The following DIDO1 variants were observed in gnomAD, a reference collection of about 807,000 sequenced individuals.
DIDO1 encodes the protein death inducer-obliterator 1.
DIDO1 carries 16 observed loss-of-function variants against 99.4 expected under a neutral mutation model. That is an observed-to-expected ratio of 0.16 (90% CI 0.11 to 0.24). The LOEUF (loss-of-function observed/expected upper bound fraction) is 0.24, where lower values mean the gene tolerates loss of function less well. DIDO1 is among the 10% of genes least tolerant of loss of function. DIDO1 has a pLI of 1.00. For synonymous variants in DIDO1, 1,366 were observed against 1,239.1 expected (o/e 1.10, Z -2.15); for missense variants, 2,996 against 3,014.0 (o/e 0.99, Z 0.14).
intron 1 of DIDO1, among the ~76,000 whole-genome samples, chr20:62,920,413 G>A (rs905554144): frequency 6.6e-6 from 1 of 152,176 alleles, no homozygotes; most frequent in Non-Finnish European, 1.5e-5. Context: ...ATTCAGCAAG[G>A]GGCTGTGTAG....
intron 2 of DIDO1, among the ~76,000 whole-genome samples, chr20:62,912,897 TG>T (rs1224246734): frequency 6.6e-6 from 1 of 152,166 alleles, no homozygotes; most frequent in Non-Finnish European, 1.5e-5. Context: ...CTGGGCATGG[TG>T]GCAGGCGCCT....
chr20:62,906,030 G>T lies in DIDO1; in HGVS notation c.1445C>A (p.Ala482Glu). ...PEKKETTVKK[A>E]VVVPARSEAL... Reference sequence around the variant, plus strand: ...TTCACTCCGCGCAGGGACCACCACTGCCTTCTTCACTGTGGTCTCTTTTTT... The same window carrying T: ...TTCACTCCGCGCAGGGACCACCACTTCCTTCTTCACTGTGGTCTCTTTTTT... Residue 482 changes from alanine (A) to glutamate (E), a missense_variant, in exon 6 of 16, where the codon GCA becomes GAA. By Grantham distance (107) the Ala-to-Glu change is moderately radical. Around this residue, in one of 5 missense-constraint regions of DIDO1, gnomAD observed 898 missense variants for 972.7 expected, o/e 0.92. Coordinates refer to ENST00000395343, the MANE Select transcript of DIDO1 (RefSeq NM_001193369.2). 6.2e-7 allele frequency: 1 copy of T among 1,613,760 alleles called. No homozygotes were observed.
At chr20:62,937,312 C>T (rs983350611) in intron 1 of DIDO1, among the ~76,000 whole-genome samples, 2 of 152,390 alleles carry the variant, frequency 1.3e-5, no homozygotes, top group South Asian at 4.1e-4. Flanking sequence ...AGCGGACAGG[C>T]AATAAGCAAG....
chr20:62,882,986 G>A (rs530120022), intron 15 of DIDO1, among the ~76,000 whole-genome samples: 8 of 132,996 alleles, frequency 6.0e-5, no homozygotes, highest in Admixed American at 8.6e-5. Context: ...GCAGTGGCGC[G>A]AGCTCGGCTC....
chr20:62,882,134 T>C lies in DIDO1; in HGVS notation c.3822A>G (p.Lys1274=). The C allele has an allele frequency of 1.9e-6, 3 of 1,613,162 alleles. No homozygotes were observed. The highest frequency in any genetic ancestry group is 2.5e-6 in the Non-Finnish European group (3 of 1,180,018). Residue 1274 remains lysine (K), a synonymous_variant, in exon 16 of 16, where the codon AAA becomes AAG. Coordinates refer to ENST00000395343, the MANE Select transcript of DIDO1 (RefSeq NM_001193369.2). The part of the protein sequence containing the change: ...PPPLPEPPVL[K]VLSSLKPAAP... ...CTGCAGGTTTGAGGGATGACAGCAC[T>C]TTTAGCACCGGTGGTTCTGGAAGAG...
At chr20:62,916,440 T>C (rs1313603454) in intron 1 of DIDO1, among the ~76,000 whole-genome samples, 2 of 152,370 alleles carry the variant, frequency 1.3e-5, no homozygotes, top group East Asian at 3.8e-4. Context: ...TCAAACCTTT[T>C]GTCTCAAGAC....
rs981593300 is a variant in DIDO1, at chr20:62,881,202, C to A, written c.4754G>T (p.Gly1585Val). ...TCTCTCGGGCAGGGCACCCTGGGCA[C>A]CACGTGCCGAGAGCCTGGAGAGAGG... ...GEPLSRLSAR[G>V]AQGALPERDA... The change falls in exon 16 of 16, where the codon GGT becomes GTT. Residue 1585 changes from glycine (G) to valine (V), a missense_variant. This residue lies in a region of DIDO1 where 1,562 missense variants were observed against 1,412.6 expected (regional missense o/e 1.11). Coordinates refer to ENST00000395343, the MANE Select transcript of DIDO1 (RefSeq NM_001193369.2). The surrounding 1 kb of genome is among the most constrained non-coding windows in gnomAD (Gnocchi z 8.3). The A allele has an allele frequency of 4.4e-6, 7 of 1,606,630 alleles. No homozygotes were observed. The highest frequency in any genetic ancestry group is 5.1e-6 in the Non-Finnish European group (6 of 1,178,766).
Position 62,904,142 on chromosome 20 carries a change from G to A in DIDO1, c.1588+1745C>T, listed in dbSNP as rs186073874. The stretch of plus-strand genomic sequence containing the variant: ...ACTTATCTGAACTGAGGCTATAACC[G>A]CAGTTTTTCTTTTCTTCACTGTTAT... On this transcript the variant is annotated intron_variant, in intron 6 of 15. Coordinates refer to ENST00000395343, the MANE Select transcript of DIDO1 (RefSeq NM_001193369.2). Among the ~76,000 whole-genome samples, 996 of 152,238 alleles carry A rather than the reference G, an allele frequency of 6.5e-3. 13 individuals carry two copies. The highest frequency in any genetic ancestry group is 0.023 in the African/African-American group (946 of 41,516).
chr20:62,915,989 A>AT (rs2065030592), intron 1 of DIDO1, among the ~76,000 whole-genome samples: 1 of 152,236 alleles, frequency 6.6e-6, no homozygotes, highest in Non-Finnish European at 1.5e-5. Flanking sequence ...AGATCACTTT[A>AT]TATTTACAAA....
rs756543700 is a variant in DIDO1, at chr20:62,896,403, T to TA, written c.2055-12dup. ...TCGCTGTCATTGACTCTGAACAGAATAAAAAAAAGGAACTACATAAGACAC... is the reference window on the plus strand; with the variant it reads ...TCGCTGTCATTGACTCTGAACAGAATAAAAAAAAAGGAACTACATAAGACAC... On this transcript the variant is annotated splice_polypyrimidine_tract_variant and intron_variant, in intron 7 of 15. Coordinates refer to ENST00000395343, the MANE Select transcript of DIDO1 (RefSeq NM_001193369.2). This position sits in a 1 kb window ranked among gnomAD's most constrained non-coding sequence, Gnocchi z 4.4. 33 of 1,602,654 alleles carry TA rather than the reference T, an allele frequency of 2.1e-5. No individual in the cohort carries two copies. Among genetic ancestry groups the TA allele is most frequent in the African/African-American group, 5.4e-5 (4 of 73,544 alleles).
chr20:62,922,163 G>C (rs1486502804), intron 1 of DIDO1, among the ~76,000 whole-genome samples: 1 of 144,624 alleles, frequency 6.9e-6, no homozygotes, highest in African/African-American at 2.6e-5. Context: ...CACAAACAAT[G>C]CCCGGCTCTT....
intron 6 of DIDO1, among the ~76,000 whole-genome samples, chr20:62,899,968 C>T (rs548886322): frequency 1.3e-5 from 2 of 152,368 alleles, no homozygotes; most frequent in South Asian, 2.1e-4. Context: ...ATTCAATTTG[C>T]AAGTTCATCC....
chr20:62,923,896 G>C (rs1315650036), intron 1 of DIDO1, among the ~76,000 whole-genome samples: 1 of 152,150 alleles, frequency 6.6e-6, no homozygotes, highest in Non-Finnish European at 1.5e-5. Flanking sequence ...CGCCTATTAA[G>C]TTTTATGGAC....
At position 62,894,160 on chromosome 20, in the gene DIDO1, C is replaced by T. The variant is rs138225268; in HGVS notation, c.2607G>A (p.Pro869=). 1.6e-5 allele frequency: 26 copies of T among 1,613,642 alleles called. No individual in the cohort carries two copies. Among genetic ancestry groups the T allele is most frequent in the South Asian group, 4.4e-5 (4 of 91,076 alleles). Residue 869 remains proline, a synonymous_variant, in exon 12 of 16, where the codon CCG becomes CCA. Transcript: ENST00000395343. This position sits in a 1 kb window ranked among gnomAD's most constrained non-coding sequence, Gnocchi z 4.4. ...QVPSAEDEPA[P]KKQKLSASVK... ...CAGAAGCTGACAATTTTTGTTTTTT[C>T]GGAGCTGGCTCATCTTCTGCGGAGG...
In DIDO1 at chr20:62,895,125, G is replaced by A. The variant is rs1225851054; in HGVS notation, c.2255C>T (p.Ala752Val). 22 of 1,611,838 alleles carry A rather than the reference G, an allele frequency of 1.4e-5. No individual in the cohort carries two copies. The highest frequency in any genetic ancestry group is 3.3e-5 in the Admixed American group (2 of 59,970). Residue 752 changes from alanine to valine, a missense_variant, in exon 9 of 16, where the codon GCG becomes GTG. Ala to Val is a moderately conservative substitution (Grantham distance 64). This residue lies in a region of DIDO1 where 898 missense variants were observed against 972.7 expected (regional missense o/e 0.92). Transcript: ENST00000395343. ...HRVLREEISL[A>V]KLVRLKPEEL... The stretch of plus-strand genomic sequence containing the variant: ...TTCTGGCTTCAGTCTCACAAGTTTC[G>A]CCAAAGAGATTTCCTCACGCAGAAC...
Position 62,890,967 on chromosome 20 carries a change from C to G in DIDO1, c.3534G>C (p.Glu1178Asp). The change falls in exon 15 of 16, where the codon GAG becomes GAC. Residue 1178 changes from glutamate to aspartate, a missense_variant. This residue lies in a region of DIDO1 where 135 missense variants were observed against 202.3 expected (regional missense o/e 0.67). Coordinates refer to ENST00000395343, the MANE Select transcript of DIDO1 (RefSeq NM_001193369.2). ...CAGAAAGCCGGCGCTTACCTGGTCC[C>G]TCAAAGGGCAAGAGTTTGGATGGAA... is the stretch of plus-strand genomic sequence containing the variant. ...DPVPSKLLPFEGPGLESPRPN... is the reference protein window; with the variant it reads ...DPVPSKLLPFDGPGLESPRPN... 6.2e-7 allele frequency: 1 copy of G among 1,613,996 alleles called. No homozygotes were observed. Among genetic ancestry groups the G allele is most frequent in the South Asian group, 1.1e-5 (1 of 91,074 alleles).
chr20:62,910,730 GT>G, intron 3 of DIDO1, 43 bp downstream of exon 3: 2 of 1,574,712 alleles, frequency 1.3e-6, no homozygotes, highest in Middle Eastern at 3.4e-4. Flanking sequence ...GGAAAATTCT[GT>G]TTGCAACCCT....
In DIDO1 at chr20:62,880,817, G is replaced by A. The variant is rs374372246; in HGVS notation, c.5139C>T (p.Ser1713=). The A allele has an allele frequency of 6.8e-6, 11 of 1,612,748 alleles. No individual in the cohort carries two copies. The highest frequency in any genetic ancestry group is 9.3e-6 in the Non-Finnish European group (11 of 1,179,994). Reference sequence around the variant, plus strand: ...CCCCCTCTGTTTCACCTGCAGGGCTGCTGCTCCTTCCAGCAGAATGAAGAT... The same window carrying A: ...CCCCCTCTGTTTCACCTGCAGGGCTACTGCTCCTTCCAGCAGAATGAAGAT... The part of the protein sequence containing the change: ...PRNLHSAGRS[S]SPAGETEGDR... Residue 1713 remains serine (S), a synonymous_variant, in exon 16 of 16, where the codon AGC becomes AGT. Transcript: ENST00000395343.
chr20:62,889,543 G>C (rs764661233), intron 15 of DIDO1: 2 of 985,364 alleles, frequency 2.0e-6, no homozygotes, highest in Non-Finnish European at 2.4e-6. Flanking sequence ...AGGTGCTGCA[G>C]TGTCTGCACT....
Sources: gnomAD v4.1 joint callset for allele counts (sites outside exome capture counted in the v4.1 genomes callset) on GRCh38, gnomAD v4.1.1 for gene constraint, gnomAD v4.1.1 regional missense constraint, Gnocchi (gnomAD v3.1) non-coding constraint, MANE v1.5 for transcripts, NCBI Gene and HGNC (gene_info 2026-07-23, HGNC 2026-07-21) for gene names.